The following SHB variants were observed in gnomAD, a reference collection of about 807,000 sequenced individuals.
SHB encodes the protein SH2 domain containing adaptor protein B, also known as SH2 domain-containing adapter protein B.
Under a neutral mutation model 52.3 loss-of-function variants are expected in SHB, and 20 were observed. That is an observed-to-expected ratio of 0.38 (90% CI 0.27 to 0.56). The LOEUF is 0.56. Among genes scored for constraint, SHB ranks in the 20% least tolerant of loss-of-function variants. The probability of loss-of-function intolerance (pLI) is 0.71; values close to 1 mark genes in which losing one functional copy is unlikely to be tolerated. For missense variants in SHB, 825 were observed against 723.3 expected (o/e 1.14, Z -1.61); for synonymous variants, 397 against 316.5 (o/e 1.25, Z -2.70).
chr9:37,958,788 C>G (rs1832663156), intron 3 of SHB, among the ~76,000 whole-genome samples: 1 of 152,222 alleles, frequency 6.6e-6, no homozygotes, highest in Admixed American at 6.5e-5. Context: ...TAGCCTGGAT[C>G]TCCCAGTGGG....
intron 5 of SHB, among the ~76,000 whole-genome samples, chr9:37,924,039 T>C (rs1832215724): frequency 6.6e-6 from 1 of 152,246 alleles, no homozygotes; most frequent in African/African-American, 2.4e-5. Context: ...CAGGCTGCTA[T>C]GCCTGCCAAG....
At chr9:37,944,866 G>C (rs1436773947) in intron 5 of SHB, among the ~76,000 whole-genome samples, 1 of 152,088 alleles carries the variant, frequency 6.6e-6, no homozygotes, top group East Asian at 1.9e-4. Flanking sequence ...GACTCTCTGT[G>C]GCAGGGACTG....
chr9:38,014,286 C>A (rs766825722), intron 2 of SHB, among the ~76,000 whole-genome samples: 1 of 152,194 alleles, frequency 6.6e-6, no homozygotes, highest in Non-Finnish European at 1.5e-5. Flanking sequence ...TCCTTTAAAC[C>A]GGAGCCAACG....
chr9:37,946,625 T>A (rs1832494368), intron 5 of SHB, among the ~76,000 whole-genome samples: 1 of 152,282 alleles, frequency 6.6e-6, no homozygotes, highest in African/African-American at 2.4e-5. Flanking sequence ...CTTCCCCACC[T>A]CTGCCTAGAA....
intron 1 of SHB, among the ~76,000 whole-genome samples, chr9:38,049,439 T>C (rs943968673): frequency 1.3e-5 from 2 of 151,816 alleles, no homozygotes; most frequent in African/African-American, 4.8e-5. Context: ...CAAAAGCCCA[T>C]CTCTACTAAA....
At chr9:37,995,700 A>G (rs1362211107) in intron 2 of SHB, among the ~76,000 whole-genome samples, 5 of 152,226 alleles carry the variant, frequency 3.3e-5, no homozygotes, top group African/African-American at 4.8e-5. Context: ...CAGAGGGAGC[A>G]ATGAGACCAA....
chr9:38,042,825 G>A (rs1259143908), intron 1 of SHB, among the ~76,000 whole-genome samples: 2 of 152,022 alleles, frequency 1.3e-5, no homozygotes, highest in Non-Finnish European at 1.5e-5. Flanking sequence ...CCAAATGTCC[G>A]CCCCAGGCCA....
chr9:38,056,910 C>A (rs1821828699), intron 1 of SHB, among the ~76,000 whole-genome samples: 1 of 152,212 alleles, frequency 6.6e-6, no homozygotes, highest in Non-Finnish European at 1.5e-5. Flanking sequence ...ATGGTCAACA[C>A]ACATTTGCAC....
At chr9:37,994,404 G>A (rs1820922976) in intron 2 of SHB, among the ~76,000 whole-genome samples, 2 of 152,192 alleles carry the variant, frequency 1.3e-5, no homozygotes, top group South Asian at 4.1e-4. Context: ...TAACTCAAAT[G>A]ACTGATTACT....
chr9:38,063,367 T>C (rs570323546), intron 1 of SHB, among the ~76,000 whole-genome samples: 37 of 152,364 alleles, frequency 2.4e-4, no homozygotes, highest in Middle Eastern at 3.4e-3. Flanking sequence ...CTTTCTTCCC[T>C]TTGTGGGCTC....
rs1383643629 is a variant in SHB at position 38,068,435 on chromosome 9, G to C, written c.211C>G (p.Pro71Ala). 9.7e-6 allele frequency: 15 copies of C among 1,554,018 alleles called. No individual in the cohort carries two copies. In the South Asian group the frequency reaches 1.8e-4, roughly 18 times the overall value. Residue 71 changes from proline to alanine, a missense_variant, in exon 1 of 6, where the codon CCC (proline) becomes GCC (alanine). Physicochemically the swap from Pro to Ala is conservative, Grantham distance 27 (BLOSUM62 -1). Transcript: ENST00000377707. ...TCGCTGGTGCTGCCGCTGTCGTCGGGCAGCGAGCCCGAAGAGGCTGAGAAG... is the reference window on the plus strand; with the variant it reads ...TCGCTGGTGCTGCCGCTGTCGTCGGCCAGCGAGCCCGAAGAGGCTGAGAAG... ...SCFSASSGSLPDDSGSTSDLI... is the reference protein window; with the variant it reads ...SCFSASSGSLADDSGSTSDLI...
intron 2 of SHB, among the ~76,000 whole-genome samples, chr9:37,983,091 T>C (rs1409172828): frequency 6.6e-6 from 1 of 152,028 alleles, no homozygotes; most frequent in African/African-American, 2.4e-5. Context: ...AGTCCTGGCC[T>C]TCATGAAGCT....
Position 37,971,266 on chromosome 9 carries a change from G to T in SHB, c.1054+3356C>A, listed in dbSNP as rs533378372. Among the ~76,000 whole-genome samples the T allele has an allele frequency of 1.3e-4, 20 of 152,316 alleles. No individual in the cohort carries two copies. The East Asian group carries it at 3.9e-3, about 29-fold the overall frequency. ...TCATGCACACACAACACTGACTCAG[G>T]TGGGGGTCCTCGCCATCCTTCCCGG... On this transcript the variant is annotated intron_variant, in intron 3 of 5. Transcript: ENST00000377707.
At chr9:38,022,571 A>G (rs919678784) in intron 1 of SHB, among the ~76,000 whole-genome samples, 1 of 152,140 alleles carries the variant, frequency 6.6e-6, no homozygotes, top group African/African-American at 2.4e-5. Context: ...GCAGCAGCAC[A>G]AGTGCCTCTG....
chr9:38,033,757 G>C (rs1162412409), intron 1 of SHB, among the ~76,000 whole-genome samples: 1 of 152,080 alleles, frequency 6.6e-6, no homozygotes, highest in African/African-American at 2.4e-5. Flanking sequence ...CAGTCTTATG[G>C]ACTGGCTCAC....
At chr9:37,922,494 C>T (rs757447815) in intron 5 of SHB, among the ~76,000 whole-genome samples, 2 of 152,170 alleles carry the variant, frequency 1.3e-5, no homozygotes, top group East Asian at 3.9e-4. Context: ...AGAGTCTAGA[C>T]GTCCCCGGGA....
intron 2 of SHB, among the ~76,000 whole-genome samples, chr9:38,003,300 A>G (rs1490605608): frequency 6.6e-6 from 1 of 151,926 alleles, no homozygotes; most frequent in Non-Finnish European, 1.5e-5. Context: ...GTTCTGTCCT[A>G]GGCTGAGGCC....
rs111269959 is a variant in SHB, at chr9:37,918,337, G to A, written c.*1484C>T. Among the ~76,000 whole-genome samples the A allele has an allele frequency of 6.6e-6, 1 of 152,066 alleles. No individual in the cohort carries two copies. The highest frequency in any genetic ancestry group is 1.9e-4 in the East Asian group (1 of 5,184). ...TGCCTGGCCTGTGTGGGAGGACCCT[G>A]CTATGGCAAGCAAGAGAGAGGTCGC... On this transcript the variant is annotated 3_prime_UTR_variant, in exon 6 of 6. Transcript: ENST00000377707.
chr9:38,022,864 G>T (rs1443181944), intron 1 of SHB, among the ~76,000 whole-genome samples: 2 of 152,234 alleles, frequency 1.3e-5, no homozygotes, highest in Non-Finnish European at 2.9e-5. Context: ...CACGCTGCCT[G>T]GGAAAGGGAG....
Sources: gnomAD v4.1 joint callset for allele counts (sites outside exome capture counted in the v4.1 genomes callset) on GRCh38, gnomAD v4.1.1 for gene constraint, MANE v1.5 for transcripts, NCBI Gene and HGNC (gene_info 2026-07-23, HGNC 2026-07-21) for gene names.